The following DGKB variants were observed in gnomAD, a reference collection of about 807,000 sequenced individuals.
DGKB encodes the protein 90 kDa diacylglycerol kinase.
In DGKB, 67 loss-of-function variants were observed where a neutral mutation model predicts 114.3. The ratio of observed to expected loss-of-function variants is 0.59; its 90% CI spans 0.48 to 0.72. The LOEUF is 0.72. DGKB is among the 30% of genes least tolerant of loss of function. DGKB has a pLI of 0.00. For synonymous variants in DGKB, 398 were observed against 323.1 expected (o/e 1.23, Z -2.49); for missense variants, 907 against 975.2 (o/e 0.93, Z 0.93).
At chr7:14,810,990 T>G (rs1251160694) in intron 2 of DGKB, among the ~76,000 whole-genome samples, 1 of 152,138 alleles carries the variant, frequency 6.6e-6, no homozygotes. Context: ...TTCACCTCTA[T>G]AGCCATGTGT....
chr7:14,603,428 G>A (rs1803929639), intron 17 of DGKB, among the ~76,000 whole-genome samples: 1 of 151,854 alleles, frequency 6.6e-6, no homozygotes, highest in African/African-American at 2.4e-5. Flanking sequence ...CATAACAAGA[G>A]GCATATGTAA....
At chr7:14,336,383 C>T (rs886980137) in intron 23 of DGKB, among the ~76,000 whole-genome samples, 2 of 152,130 alleles carry the variant, frequency 1.3e-5, no homozygotes, top group Non-Finnish European at 2.9e-5. Context: ...TAAATCAAAA[C>T]TATAAGCTAG....
rs187706250 is a variant in DGKB, at chr7:14,440,842, T to C, written c.1835+37319A>G. On this transcript the variant is annotated intron_variant, in intron 21 of 25. Transcript: ENST00000402815. ...CATCAATGTATATACAAATGGGCAT[T>C]GTTTAACATTTGCTTTTGCTACCTG... is the stretch of plus-strand genomic sequence containing the variant. Among the ~76,000 whole-genome samples the C allele has an allele frequency of 3.7e-3, 568 of 152,284 alleles. 3 individuals carry two copies. The highest frequency in any genetic ancestry group is 6.5e-3 in the Non-Finnish European group (445 of 68,018).
intron 21 of DGKB, among the ~76,000 whole-genome samples, chr7:14,367,303 T>C (rs908928847): frequency 6.6e-6 from 1 of 151,986 alleles, no homozygotes; most frequent in African/African-American, 2.4e-5. Flanking sequence ...TTCCCATGTG[T>C]GGTGAGAGGG....
intron 2 of DGKB, among the ~76,000 whole-genome samples, chr7:14,759,482 ATAT>A (rs1420072705): frequency 3.9e-5 from 6 of 152,086 alleles, no homozygotes; most frequent in Non-Finnish European, 8.8e-5. Context: ...CCTATTCTGG[ATAT>A]TTCATGTAAA....
chr7:14,959,461 C>A (rs923099123), intron 1 of DGKB, among the ~76,000 whole-genome samples: 9 of 151,650 alleles, frequency 5.9e-5, no homozygotes. Flanking sequence ...TTCAATCTGA[C>A]ATCATAATCC....
At chr7:14,532,898 C>T (rs1791834086) in intron 20 of DGKB, among the ~76,000 whole-genome samples, 1 of 151,640 alleles carries the variant, frequency 6.6e-6, no homozygotes. Flanking sequence ...AAGTGAAAGT[C>T]TTTCCTTGAC....
At chr7:14,942,610 C>T (rs1013635337) in intron 1 of DGKB, among the ~76,000 whole-genome samples, 2 of 151,836 alleles carry the variant, frequency 1.3e-5, no homozygotes, top group African/African-American at 4.8e-5. Flanking sequence ...TTCCATCTAC[C>T]ACTCTTCCTC....
chr7:14,226,393 C>A (rs910196869), intron 23 of DGKB, among the ~76,000 whole-genome samples: 6 of 151,852 alleles, frequency 4.0e-5, no homozygotes, highest in Admixed American at 3.9e-4. Flanking sequence ...CCTTCTGACT[C>A]TAAGACTTTT....
At chr7:14,845,909 A>G (rs946085632) in intron 1 of DGKB, among the ~76,000 whole-genome samples, 9 of 152,020 alleles carry the variant, frequency 5.9e-5, no homozygotes, top group African/African-American at 2.2e-4. Context: ...ACATTTTGTG[A>G]ATTTTTTAAG....
intron 5 of DGKB, among the ~76,000 whole-genome samples, chr7:14,722,797 G>A (rs983301334): frequency 6.6e-6 from 1 of 152,008 alleles, no homozygotes; most frequent in Non-Finnish European, 1.5e-5. Flanking sequence ...GGGCGGCAGA[G>A]TGAAACTGTC....
chr7:14,931,277 A>G (rs2128250941), intron 1 of DGKB, among the ~76,000 whole-genome samples: 1 of 151,914 alleles, frequency 6.6e-6, no homozygotes, highest in East Asian at 1.9e-4. Flanking sequence ...AAGCCCAGCT[A>G]ATTTTTGTAT....
chr7:14,871,511 C>G (rs1398785608), intron 1 of DGKB, among the ~76,000 whole-genome samples: 1 of 152,156 alleles, frequency 6.6e-6, no homozygotes, highest in African/African-American at 2.4e-5. Context: ...CAATCTCGTA[C>G]AGTTTATCAC....
intron 21 of DGKB, among the ~76,000 whole-genome samples, chr7:14,408,395 G>A (rs919560472): frequency 1.3e-5 from 2 of 152,046 alleles, no homozygotes; most frequent in Non-Finnish European, 2.9e-5. Flanking sequence ...GACCGGTATG[G>A]TTCTAGCAAT....
At chr7:14,509,318 C>T (rs1176953447) in intron 20 of DGKB, among the ~76,000 whole-genome samples, 2 of 152,048 alleles carry the variant, frequency 1.3e-5, no homozygotes, top group East Asian at 2.0e-4. Flanking sequence ...CCATGGGTGG[C>T]CTCTGAAGAG....
At chr7:14,344,152 T>A (rs1812092144) in intron 22 of DGKB, among the ~76,000 whole-genome samples, 1 of 151,062 alleles carries the variant, frequency 6.6e-6, no homozygotes, top group Admixed American at 6.6e-5. Flanking sequence ...TCCTAAATAG[T>A]AATAACAGAA....
At chr7:14,318,506 C>T (rs1336968208) in intron 23 of DGKB, among the ~76,000 whole-genome samples, 6 of 152,210 alleles carry the variant, frequency 3.9e-5, no homozygotes, top group Admixed American at 1.3e-4. Context: ...CAAAAGAAGA[C>T]ATTTATGCAG....
intron 2 of DGKB, among the ~76,000 whole-genome samples, chr7:14,788,277 A>G (rs1423665989): frequency 1.3e-5 from 2 of 152,230 alleles, no homozygotes; most frequent in African/African-American, 4.8e-5. Context: ...GAATCTTTCT[A>G]AGCCTGAGGA....
chr7:14,426,735 G>T (rs1827611717), intron 21 of DGKB, among the ~76,000 whole-genome samples: 2 of 152,040 alleles, frequency 1.3e-5, no homozygotes, highest in Admixed American at 1.3e-4. Flanking sequence ...TGTGTACTTA[G>T]TTCCACTGAC....
Sources: allele counts gnomAD v4.1 joint callset (sites outside exome capture counted in the v4.1 genomes callset), GRCh38; gene constraint gnomAD v4.1.1; transcripts MANE v1.5; gene names NCBI Gene and HGNC (gene_info 2026-07-23, HGNC 2026-07-21).